The following BMPER variants were observed in gnomAD, a reference collection of about 807,000 sequenced individuals.
The protein encoded by BMPER is BMP binding endothelial regulator, also known as BMP-binding endothelial regulator protein.
In BMPER, 45 loss-of-function variants were observed where a neutral mutation model predicts 87.3. That is an observed-to-expected ratio of 0.52 (90% CI 0.41 to 0.66). The LOEUF (loss-of-function observed/expected upper bound fraction) is 0.66. BMPER is among the 30% of genes least tolerant of loss of function. BMPER has a pLI of 0.00. For missense variants in BMPER, 784 were observed against 867.5 expected (o/e 0.90, Z 1.21); for synonymous variants, 326 against 316.2 (o/e 1.03, Z -0.33).
intron 11 of BMPER, among the ~76,000 whole-genome samples, chr7:34,064,098 C>T (rs1788512360): frequency 6.6e-6 from 1 of 152,190 alleles, no homozygotes; most frequent in African/African-American, 2.4e-5. Context: ...TGAGACCAGC[C>T]TGACCAACAA....
intron 11 of BMPER, 71 bp from the exon 12 acceptor site, chr7:34,078,786 G>A (rs1788932015): frequency 1.3e-6 from 2 of 1,500,236 alleles, no homozygotes; most frequent in African/African-American, 2.8e-5. Flanking sequence ...TTACCCAGCA[G>A]GTGCCCCTGA....
intron 6 of BMPER, among the ~76,000 whole-genome samples, chr7:34,026,958 T>C (rs79702622): frequency 0.024 from 3,588 of 152,224 alleles, 148 homozygotes; most frequent in African/African-American, 0.082. Flanking sequence ...TCTTCCTTGC[T>C]TTGTAGCCTA....
chr7:33,970,946 C>T (rs968103630), intron 5 of BMPER, among the ~76,000 whole-genome samples: 5 of 152,104 alleles, frequency 3.3e-5, no homozygotes, highest in Admixed American at 2.0e-4. Context: ...TCCTTTGCAG[C>T]GGCTGGAACG....
chr7:33,997,117 A>G (rs915216596), intron 6 of BMPER, among the ~76,000 whole-genome samples: 2 of 152,126 alleles, frequency 1.3e-5, no homozygotes, highest in African/African-American at 4.8e-5. Context: ...GTTGGTACTG[A>G]TATTGTGTGG....
intron 13 of BMPER, among the ~76,000 whole-genome samples, chr7:34,099,889 AGTTTGTTTTTTTTTTCATT>A (rs898317912): frequency 3.8e-4 from 30 of 78,802 alleles, no homozygotes; most frequent in African/African-American, 1.1e-3. Context: ...GAGAAGTCAC[AGTTTGTTTTTTTTTTCATT>A]GTTTGTTTTT....
intron 12 of BMPER, among the ~76,000 whole-genome samples, chr7:34,084,577 C>A (rs537384834): frequency 7.9e-5 from 12 of 152,230 alleles, no homozygotes; most frequent in Non-Finnish European, 1.6e-4. Flanking sequence ...ACATTTGAGA[C>A]ATAAACAAAA....
At position 33,937,309 on chromosome 7, in the gene BMPER, G is replaced by A. The variant is rs775250760; in HGVS notation, c.240G>A (p.Lys80=). The stretch of plus-strand genomic sequence containing the variant: ...TCTAGAACAAGGAAGTGACATGTAA[G>A]AGAGAGAAGTGCCCCGTGCTGTCCC... ...CVCLNKEVTC[K]REKCPVLSRD... Residue 80 remains lysine (K), a synonymous_variant, in exon 3 of 15, where the codon AAG becomes AAA. Transcript: ENST00000649409. 9.3e-6 allele frequency: 15 copies of A among 1,614,066 alleles called. No individual in the cohort carries two copies. The highest frequency in any genetic ancestry group is 1.6e-4 in the Middle Eastern group (1 of 6,078).
intron 12 of BMPER, among the ~76,000 whole-genome samples, chr7:34,084,583 C>T (rs1789148667): frequency 6.6e-6 from 1 of 152,190 alleles, no homozygotes; most frequent in South Asian, 2.1e-4. Context: ...GAGACATAAA[C>T]AAAAACTCTG....
intron 2 of BMPER, among the ~76,000 whole-genome samples, chr7:33,935,275 G>C (rs549859571): frequency 6.6e-6 from 1 of 152,142 alleles, no homozygotes; most frequent in African/African-American, 2.4e-5. Context: ...CAAAGGGACT[G>C]TGGACAGCTC....
intron 6 of BMPER, among the ~76,000 whole-genome samples, chr7:34,018,772 T>A (rs555864801): frequency 6.6e-6 from 1 of 151,814 alleles, no homozygotes; most frequent in African/African-American, 2.4e-5. Context: ...TTTTCCCATA[T>A]AAATCTGGAA....
chr7:34,059,610 A>G (rs1229885721), intron 10 of BMPER, among the ~76,000 whole-genome samples: 2 of 139,284 alleles, frequency 1.4e-5, no homozygotes, highest in African/African-American at 5.5e-5. Flanking sequence ...CTTCCTTCCA[A>G]CCACTCCTCC....
Position 34,137,635 on chromosome 7 carries a change from G to A in BMPER, c.1746-5595G>A, listed in dbSNP as rs577212187. ...TGGCTAACTTTTTTGGGGCCACTTG[G>A]CAAGCACCACTGAGGAATTTGAATT... On this transcript the variant is annotated intron_variant, in intron 13 of 14. Coordinates refer to ENST00000649409, the MANE Select transcript of BMPER (RefSeq NM_001365308.1). Among the ~76,000 whole-genome samples, 5 of 152,212 alleles carry A rather than the reference G, an allele frequency of 3.3e-5. No individual in the cohort carries two copies. In the South Asian group the frequency reaches 1.0e-3, roughly 32 times the overall value.
chr7:33,947,402 G>GA (rs936449454), intron 3 of BMPER, among the ~76,000 whole-genome samples: 2 of 151,692 alleles, frequency 1.3e-5, no homozygotes, highest in African/African-American at 4.8e-5. Context: ...ATGAAGGATT[G>GA]AAAAAAAAGT....
chr7:33,977,277 T>TAA (rs368249301), intron 6 of BMPER, among the ~76,000 whole-genome samples: 3 of 147,356 alleles, frequency 2.0e-5, no homozygotes, highest in South Asian at 2.1e-4. Flanking sequence ...TGGAGTACAC[T>TAA]AAAAAAAAAA....
At chr7:34,035,744 A>G (rs1412963988) in intron 6 of BMPER, among the ~76,000 whole-genome samples, 6 of 152,234 alleles carry the variant, frequency 3.9e-5, no homozygotes, top group Admixed American at 2.0e-4. Context: ...TGTGGAAGAC[A>G]GAAGAAATAT....
In BMPER at chr7:34,128,842, C is replaced by T. The variant is rs1188645712; in HGVS notation, c.1746-14388C>T. On this transcript the variant is annotated intron_variant, in intron 13 of 14. Coordinates refer to ENST00000649409, the MANE Select transcript of BMPER (RefSeq NM_001365308.1). ...GAGATTCCTAAAAAGCTACCGAGCT[C>T]CTATCACAGACATGATGCAGATGTA... Among the ~76,000 whole-genome samples the T allele has an allele frequency of 2.0e-5, 3 of 152,168 alleles. No individual in the cohort carries two copies. In the East Asian group the frequency reaches 5.8e-4, roughly 29 times the overall value.
At chr7:34,018,126 G>T (rs1265055802) in intron 6 of BMPER, among the ~76,000 whole-genome samples, 1 of 151,914 alleles carries the variant, frequency 6.6e-6, no homozygotes, top group African/African-American at 2.4e-5. Flanking sequence ...TGAGTTTGAA[G>T]TCGTCAGCCA....
intron 6 of BMPER, among the ~76,000 whole-genome samples, chr7:34,005,792 A>C (rs1786715398): frequency 1.3e-5 from 2 of 152,072 alleles, no homozygotes; most frequent in South Asian, 4.1e-4. Context: ...CTACTGTTCT[A>C]GAAATTGTAA....
intron 4 of BMPER, among the ~76,000 whole-genome samples, chr7:33,968,207 G>A (rs1389552012): frequency 6.6e-6 from 1 of 152,188 alleles, no homozygotes; most frequent in Non-Finnish European, 1.5e-5. Flanking sequence ...TTGCCTTTCA[G>A]TTTTTCCTCC....
Sources: gnomAD v4.1 joint callset for allele counts (sites outside exome capture counted in the v4.1 genomes callset) on GRCh38, gnomAD v4.1.1 for gene constraint, MANE v1.5 for transcripts, NCBI Gene and HGNC (gene_info 2026-07-23, HGNC 2026-07-21) for gene names.